CCDC39: variants seen among roughly 807,000 people sequenced by gnomAD.
The protein encoded by CCDC39 is coiled-coil domain 39 molecular ruler complex subunit.
In CCDC39, 113 loss-of-function variants were observed where a neutral mutation model predicts 121.0. The ratio of observed to expected loss-of-function variants is 0.93; its 90% confidence interval spans 0.80 to 1.09. CCDC39 has a LOEUF of 1.09. Ranked by LOEUF, CCDC39 falls within the 50% of genes least tolerant of loss-of-function variation. The pLI is 0.00. For synonymous variants in CCDC39, 349 were observed against 352.2 expected (o/e 0.99, Z 0.10); for missense variants, 1,063 against 1,074.7 (o/e 0.99, Z 0.15).
At chr3:180,631,417 A>C (rs1717691489) in intron 14 of CCDC39, 52 bp downstream of exon 14, 7 of 1,466,032 alleles carry the variant, frequency 4.8e-6, no homozygotes, top group Non-Finnish European at 5.6e-6. Flanking sequence ...ATGATGAATG[A>C]GTTAACAAAG....
At chr3:180,617,332 T>C in intron 16 of CCDC39, 1 of 500,036 alleles carries the variant, frequency 2.0e-6, no homozygotes, top group Non-Finnish European at 3.5e-6. Context: ...ATAAAAGATA[T>C]TACTGATTTA....
At chr3:180,672,245 T>C (rs1712069628) in intron 1 of CCDC39, among the ~76,000 whole-genome samples, 1 of 152,154 alleles carries the variant, frequency 6.6e-6, no homozygotes, top group South Asian at 2.1e-4. Context: ...CAACATGGTT[T>C]ACTGAAAATT....
intron 9 of CCDC39, among the ~76,000 whole-genome samples, chr3:180,650,402 CA>C (rs1311989339): frequency 1.3e-5 from 2 of 151,748 alleles, no homozygotes; most frequent in Non-Finnish European, 2.9e-5. Flanking sequence ...AATTTGATTA[CA>C]AAAAAACAGT....
chr3:180,616,862 C>G lies in CCDC39; in HGVS notation c.2370G>C (p.Glu790Asp). 6.2e-7 allele frequency: 1 copy of G among 1,607,788 alleles called. No individual in the cohort carries two copies. The highest frequency in any genetic ancestry group is 8.5e-7 in the Non-Finnish European group (1 of 1,175,420). ...CTCTTTCTAATTTTGGCTTCTGCTC[C>G]TCCGTTTCTTTACTTAGTTGAAATG... Reference protein sequence around the residue: ...AYSFQLSKETEEQKPKLERVT... With the variant: ...AYSFQLSKETDEQKPKLERVT... Residue 790 changes from glutamate (E) to aspartate (D), a missense_variant, in exon 17 of 20, where the codon GAG becomes GAC. Glu to Asp is a conservative substitution (Grantham distance 45). Transcript: ENST00000476379.
Position 180,614,710 on chromosome 3 carries a change from T to C in CCDC39, c.*211A>G, listed in dbSNP as rs1717162263. The C allele has an allele frequency of 2.1e-6, 1 of 479,708 alleles. No individual in the cohort carries two copies. Among genetic ancestry groups the C allele is most frequent in the East Asian group, 3.7e-5 (1 of 27,286 alleles). The allele number at this position is 479,708 out of a possible 1,614,324, so 29.7% of individuals were successfully genotyped here. A position where few individuals can be genotyped will look rare whatever the true frequency, so the allele number is the denominator to read the frequency against. On this transcript the variant is annotated 3_prime_UTR_variant, in exon 20 of 20. Coordinates refer to ENST00000476379, the MANE Select transcript of CCDC39 (RefSeq NM_181426.2). ...ATTTTTCCTATGCTTGTATAACATG[T>C]AGCCTTGTCAAGAATCTGCTATTAA...
Position 180,647,217 on chromosome 3 carries a change from C to A in CCDC39, c.1389G>T (p.Arg463=). ...TTTCTCCCTTTAACCGTGACATTCT[C>A]CGTTCCACTTGTTGAATGTGAAAAT... is the stretch of plus-strand genomic sequence containing the variant. The part of the protein sequence containing the change: ...SQDFHIQQVE[R]RMSRLKGEIN... The change falls in exon 11 of 20, where the codon CGG becomes CGT. Residue 463 remains arginine, a synonymous_variant. Transcript: ENST00000476379. 3 of 1,606,266 alleles carry A rather than the reference C, an allele frequency of 1.9e-6. No homozygotes were observed. The highest frequency in any genetic ancestry group is 2.5e-6 in the Non-Finnish European group (3 of 1,176,740).
In CCDC39 at chr3:180,647,230, T is replaced by C; in HGVS notation, c.1376A>G (p.Gln459Arg). The part of the protein sequence containing the change: ...EIMYSQDFHI[Q>R]QVERRMSRLK... Reference sequence around the variant, plus strand: ...CCGTGACATTCTCCGTTCCACTTGTTGAATGTGAAAATCCTGTTACAGTTT... The same window carrying C: ...CCGTGACATTCTCCGTTCCACTTGTCGAATGTGAAAATCCTGTTACAGTTT... The change falls in exon 11 of 20, where the codon CAA (glutamine) becomes CGA (arginine). Residue 459 changes from glutamine (Q) to arginine (R), a missense_variant. Gln to Arg is a conservative substitution (Grantham distance 43). Transcript: ENST00000476379. The C allele has an allele frequency of 6.3e-7, 1 of 1,598,532 alleles. No homozygotes were observed. Among genetic ancestry groups the C allele is most frequent in the Non-Finnish European group, 8.5e-7 (1 of 1,173,924 alleles).
At chr3:180,617,473 A>G in intron 16 of CCDC39, 1 of 687,878 alleles carries the variant, frequency 1.5e-6, no homozygotes, top group Non-Finnish European at 2.7e-6. Context: ...ATCATAGATG[A>G]CAGCTCCATT....
chr3:180,658,630 T>G (rs1396889473), intron 6 of CCDC39, among the ~76,000 whole-genome samples: 2 of 151,590 alleles, frequency 1.3e-5, no homozygotes, highest in Non-Finnish European at 2.9e-5. Context: ...GAGAACCTCA[T>G]AGTTAAGATT....
chr3:180,632,060 G>T (rs1717711700), intron 13 of CCDC39, among the ~76,000 whole-genome samples: 1 of 152,164 alleles, frequency 6.6e-6, no homozygotes, highest in African/African-American at 2.4e-5. Context: ...GCAAACAGTA[G>T]ATTTGCATCA....
intron 14 of CCDC39, among the ~76,000 whole-genome samples, chr3:180,623,498 G>T (rs1435155052): frequency 2.0e-5 from 3 of 151,696 alleles, no homozygotes; most frequent in African/African-American, 4.8e-5. Flanking sequence ...CTTTGGTTTG[G>T]TTTTGTTTTT....
chr3:180,648,391 T>G (rs76394036), intron 9 of CCDC39, 32 bp from the exon 10 acceptor site: 1 of 1,302,994 alleles, frequency 7.7e-7, no homozygotes, highest in Non-Finnish European at 1.0e-6. Context: ...ATTAATGGAA[T>G]TAAATATATT....
rs775454434 is a variant in CCDC39 at position 180,654,807 on chromosome 3, C to T, written c.885G>A (p.Thr295=). 7.8e-5 allele frequency: 125 copies of T among 1,610,614 alleles called. No homozygotes were observed. The highest frequency in any genetic ancestry group is 5.0e-4 in the Middle Eastern group (3 of 6,050). ...VADRKLLKCR[T]AYQDHETSRI... ...TACTAGTTTCATGGTCCTGATATGCCGTTCTACATTTTAAAAGTTTACGAT... is the reference window on the plus strand; with the variant it reads ...TACTAGTTTCATGGTCCTGATATGCTGTTCTACATTTTAAAAGTTTACGAT... Residue 295 remains threonine (T), a synonymous_variant, in exon 7 of 20, where the codon ACG becomes ACA. Coordinates refer to ENST00000476379, the MANE Select transcript of CCDC39 (RefSeq NM_181426.2).
chr3:180,656,291 C>A (rs1385281666), intron 6 of CCDC39, among the ~76,000 whole-genome samples: 1 of 152,186 alleles, frequency 6.6e-6, no homozygotes, highest in Non-Finnish European at 1.5e-5. Context: ...TGCTATGCAT[C>A]ATAAAATTTT....
intron 14 of CCDC39, among the ~76,000 whole-genome samples, chr3:180,628,042 G>C (rs896936561): frequency 6.6e-6 from 1 of 152,122 alleles, no homozygotes; most frequent in African/African-American, 2.4e-5. Flanking sequence ...TAAAGATGAA[G>C]GCAGATTTCA....
intron 8 of CCDC39, among the ~76,000 whole-genome samples, chr3:180,651,775 C>T (rs948798136): frequency 1.1e-4 from 16 of 152,134 alleles, no homozygotes; most frequent in East Asian, 5.8e-4. Context: ...CGGTGGCTCA[C>T]GCCTGTAATC....
intron 14 of CCDC39, among the ~76,000 whole-genome samples, chr3:180,630,798 T>C (rs1323876370): frequency 1.3e-5 from 2 of 152,158 alleles, no homozygotes; most frequent in Non-Finnish European, 2.9e-5. Flanking sequence ...AAAAAACAGA[T>C]TCACCTGGTC....
At chr3:180,632,408 C>A (rs1717722199) in intron 13 of CCDC39, among the ~76,000 whole-genome samples, 1 of 152,060 alleles carries the variant, frequency 6.6e-6, no homozygotes, top group Admixed American at 6.6e-5. Context: ...AGCTCTCTAA[C>A]CATGGTGAAA....
At chr3:180,677,762 G>A (rs1224249958) in intron 1 of CCDC39, among the ~76,000 whole-genome samples, 1 of 152,012 alleles carries the variant, frequency 6.6e-6, no homozygotes, top group East Asian at 1.9e-4. Flanking sequence ...TGTATACCAA[G>A]ATGTCTGAAA....
Sources: gnomAD v4.1 joint callset for allele counts (sites outside exome capture counted in the v4.1 genomes callset) on GRCh38, gnomAD v4.1.1 for gene constraint, MANE v1.5 for transcripts, NCBI Gene and HGNC (gene_info 2026-07-23, HGNC 2026-07-21) for gene names.